Variants in CBFB observed in about 807,000 individuals in gnomAD.
The protein encoded by CBFB is core-binding factor subunit beta.
In CBFB, 9 loss-of-function variants were observed where a neutral mutation model predicts 30.4. That is an observed-to-expected ratio of 0.30 (90% CI 0.18 to 0.52). The LOEUF is 0.52. Ranked by LOEUF, CBFB falls within the 20% of genes least tolerant of loss-of-function variation. The probability of loss-of-function intolerance (pLI) is 0.97; values close to 1 mark genes in which losing one functional copy is unlikely to be tolerated. For synonymous variants in CBFB, 94 were observed against 84.0 expected (o/e 1.12, Z -0.65); for missense variants, 170 against 244.0 (o/e 0.70, Z 2.02).
At position 67,100,219 on chromosome 16, in the gene CBFB, A is replaced by G. The variant is rs1038877135; in HGVS notation, c.*1441A>G. ...AAATGGCATTATTTTAAAGGGTGAA[A>G]AACTGACACAGTCAATTCAGAAAAT... On this transcript the variant is annotated 3_prime_UTR_variant, in exon 6 of 6. Transcript: ENST00000412916. 5 of 216,164 alleles carry G rather than the reference A, an allele frequency of 2.3e-5. No homozygotes were observed. Among genetic ancestry groups the G allele is most frequent in the Admixed American group, 5.8e-5 (1 of 17,178 alleles). The allele number at this position is 216,164 out of a possible 1,614,324, so 13.4% of individuals were successfully genotyped here. A position where few individuals can be genotyped will look rare whatever the true frequency, so the allele number is the denominator to read the frequency against.
At chr16:67,089,567 C>T (rs562627600) in intron 5 of CBFB, among the ~76,000 whole-genome samples, 1 of 152,154 alleles carries the variant, frequency 6.6e-6, no homozygotes, top group East Asian at 1.9e-4. Context: ...TATGTGAAAC[C>T]CTTCCTCCAT....
intron 3 of CBFB, among the ~76,000 whole-genome samples, chr16:67,057,325 A>G (rs890332597): frequency 2.7e-4 from 41 of 152,176 alleles, no homozygotes; most frequent in African/African-American, 9.7e-4. Context: ...TTGGAAGTTT[A>G]TTTATTCAGC....
At chr16:67,036,115 CA>C (rs1567603871) in intron 2 of CBFB, among the ~76,000 whole-genome samples, 1 of 152,162 alleles carries the variant, frequency 6.6e-6, no homozygotes, top group African/African-American at 2.4e-5. Flanking sequence ...AGAGTACTGT[CA>C]CATCCCATGC....
chr16:67,084,343 T>C (rs995951723), intron 5 of CBFB, among the ~76,000 whole-genome samples: 1 of 152,078 alleles, frequency 6.6e-6, no homozygotes, highest in African/African-American at 2.4e-5. Context: ...CATTCATCTT[T>C]GATAATCAAA....
chr16:67,084,745 A>G lies in CBFB; in HGVS notation c.495+2437A>G, dbSNP rs149526553. On this transcript the variant is annotated intron_variant, in intron 5 of 5. Coordinates refer to ENST00000412916, the MANE Select transcript of CBFB (RefSeq NM_022845.3). ...AAATTATATGTACACTATTGTTTAA[A>G]TTAAGGTGTGTGTGCATACGTGTGT... 1.9e-3 allele frequency among the ~76,000 whole-genome samples: 288 copies of G among 152,272 alleles called. 2 individuals carry two copies. The highest frequency in any genetic ancestry group is 6.8e-3 in the African/African-American group (282 of 41,558).
chr16:67,035,559 G>A (rs1966429211), intron 2 of CBFB, among the ~76,000 whole-genome samples: 2 of 152,152 alleles, frequency 1.3e-5, no homozygotes, highest in South Asian at 4.1e-4. Flanking sequence ...ATAGAAATAG[G>A]AAGTATAATT....
chr16:67,100,271 C>T lies in CBFB; in HGVS notation c.*1493C>T, dbSNP rs1220698441. ...GACTGAAGTCTGAATAAGGTCATTG[C>T]ATTTAAAAAGCATATAACTGTACTT... On this transcript the variant is annotated 3_prime_UTR_variant, in exon 6 of 6. Transcript: ENST00000412916. 1 of 220,452 alleles carries T rather than the reference C, an allele frequency of 4.5e-6. No individual in the cohort carries two copies. Among genetic ancestry groups the T allele is most frequent in the Non-Finnish European group, 9.1e-6 (1 of 109,982 alleles). 13.7% of individuals were successfully genotyped at this position (220,452 alleles called of 1,614,324 possible).
At chr16:67,047,856 G>T (rs371059199) in intron 3 of CBFB, among the ~76,000 whole-genome samples, 2 of 152,084 alleles carry the variant, frequency 1.3e-5, no homozygotes, top group South Asian at 4.2e-4. Context: ...ATCGCCTGGG[G>T]TTAGGAGTTC....
intron 4 of CBFB, among the ~76,000 whole-genome samples, chr16:67,077,666 A>C (rs916882839): frequency 6.6e-6 from 1 of 152,176 alleles, no homozygotes; most frequent in Non-Finnish European, 1.5e-5. Flanking sequence ...CTTGGAAAAA[A>C]ATTGATTCTT....
chr16:67,098,051 G>A (rs1237124034), intron 5 of CBFB, among the ~76,000 whole-genome samples: 1 of 152,214 alleles, frequency 6.6e-6, no homozygotes, highest in Non-Finnish European at 1.5e-5. Flanking sequence ...AAGGCACTTG[G>A]CTAATGTGTT....
intron 3 of CBFB, among the ~76,000 whole-genome samples, chr16:67,043,961 A>G (rs1032372273): frequency 6.6e-6 from 1 of 152,204 alleles, no homozygotes; most frequent in Non-Finnish European, 1.5e-5. Flanking sequence ...TAATTCTTTA[A>G]TCTAGCTGTC....
chr16:67,068,698 A>G (rs140159855), intron 4 of CBFB, among the ~76,000 whole-genome samples: 4 of 152,312 alleles, frequency 2.6e-5, no homozygotes, highest in South Asian at 2.1e-4. Flanking sequence ...TGAAAATGCA[A>G]CTTATACAAA....
At chr16:67,078,176 G>C (rs1014198333) in intron 4 of CBFB, among the ~76,000 whole-genome samples, 2 of 152,206 alleles carry the variant, frequency 1.3e-5, no homozygotes, top group Admixed American at 1.3e-4. Flanking sequence ...ACTGGTAATT[G>C]CTGATTGTCT....
chr16:67,059,729 T>C (rs781499114), intron 3 of CBFB, among the ~76,000 whole-genome samples: 2 of 152,128 alleles, frequency 1.3e-5, no homozygotes, highest in South Asian at 2.1e-4. Flanking sequence ...TTGGACTTGC[T>C]CCAGATTCTT....
chr16:67,058,231 C>T (rs956632969), intron 3 of CBFB, among the ~76,000 whole-genome samples: 1 of 152,114 alleles, frequency 6.6e-6, no homozygotes, highest in Non-Finnish European at 1.5e-5. Context: ...ACTTCTGCCT[C>T]CTGGGTTCAA....
chr16:67,047,211 A>G (rs548404587), intron 3 of CBFB, among the ~76,000 whole-genome samples: 67 of 152,218 alleles, frequency 4.4e-4, no homozygotes, highest in African/African-American at 1.6e-3. Context: ...AGCCTGGGCA[A>G]CACAGCAAGA....
chr16:67,091,909 T>C (rs1055607066), intron 5 of CBFB, among the ~76,000 whole-genome samples: 1 of 152,164 alleles, frequency 6.6e-6, no homozygotes, highest in African/African-American at 2.4e-5. Flanking sequence ...GTTTCGCCTT[T>C]GTTGCCCAGG....
At chr16:67,098,625 T>G in intron 5 of CBFB, 85 bp from the exon 6 acceptor site, 1 of 718,998 alleles carries the variant, frequency 1.4e-6, no homozygotes, top group Non-Finnish European at 2.4e-6. Context: ...AGTTTTTCTG[T>G]GTGCTACTGT....
At chr16:67,029,658 G>T (rs1200872351) in intron 1 of CBFB, 69 bp from the exon 2 acceptor site, 16 of 1,437,898 alleles carry the variant, frequency 1.1e-5, no homozygotes, top group Admixed American at 1.9e-5. Flanking sequence ...TCGGCGCTGC[G>T]CTGGGAGGGC....
Sources: allele counts gnomAD v4.1 joint callset (sites outside exome capture counted in the v4.1 genomes callset), GRCh38; gene constraint gnomAD v4.1.1; transcripts MANE v1.5; gene names NCBI Gene and HGNC (gene_info 2026-07-23, HGNC 2026-07-21).